ZNF438: variants seen among roughly 807,000 people sequenced by gnomAD.
ZNF438 encodes the protein zinc finger protein 438.
ZNF438 carries 25 observed loss-of-function variants against 38.0 expected under a neutral mutation model. The observed-to-expected ratio is 0.66, with a 90% CI of 0.48 to 0.92. ZNF438 has a LOEUF of 0.92. Among genes scored for constraint, ZNF438 ranks in the 40% least tolerant of loss-of-function variants. The pLI is 0.00. For missense variants in ZNF438, 1,007 were observed against 999.6 expected, an observed-to-expected ratio of 1.01 and a Z score of -0.10; for synonymous variants, 372 against 364.1, an observed-to-expected ratio of 1.02 and a Z score of -0.25.
intron 3 of ZNF438, among the ~76,000 whole-genome samples, chr10:30,884,149 A>G (rs1363515620): frequency 6.6e-6 from 1 of 152,186 alleles, no homozygotes; most frequent in East Asian, 1.9e-4. Flanking sequence ...CATCAAAATA[A>G]TTTTAACTGT....
chr10:31,013,534 GTC>G (rs1239009521), intron 1 of ZNF438, among the ~76,000 whole-genome samples: 8 of 152,180 alleles, frequency 5.3e-5, no homozygotes, highest in Non-Finnish European at 1.2e-4. Context: ...GGGTTATTAG[GTC>G]AGACTCCCTC....
intron 1 of ZNF438, among the ~76,000 whole-genome samples, chr10:31,010,892 GAAAAAAAAAAAAAAAAAAA>G (rs563189482): frequency 1.1e-5 from 1 of 92,576 alleles, no homozygotes; most frequent in Non-Finnish European, 1.9e-5. Flanking sequence ...GACCCTGTTT[GAAAAAAAAAAAAAAAAAAA>G]AAAAAAAAAA....
chr10:30,876,241 C>T (rs1467454298), intron 4 of ZNF438, among the ~76,000 whole-genome samples: 1 of 152,200 alleles, frequency 6.6e-6, no homozygotes, highest in African/African-American at 2.4e-5. Flanking sequence ...ACATGTTCCA[C>T]TAAGGCAACC....
intron 3 of ZNF438, among the ~76,000 whole-genome samples, chr10:30,888,981 A>G (rs1312872333): frequency 6.6e-6 from 1 of 152,046 alleles, no homozygotes; most frequent in East Asian, 1.9e-4. Context: ...ACTAATTTAT[A>G]CTCCCACCAA....
At chr10:30,857,294 A>G (rs2034822592) in intron 4 of ZNF438, among the ~76,000 whole-genome samples, 1 of 140,906 alleles carries the variant, frequency 7.1e-6, no homozygotes, top group East Asian at 2.0e-4. Context: ...TCTTGCTGTC[A>G]CCCAGGCTGG....
chr10:30,849,593 T>A, exon 5 of ZNF438: 1 of 1,614,200 alleles, frequency 6.2e-7, no homozygotes, highest in Non-Finnish European at 8.5e-7. Context: ...TGGTGATAAA[T>A]TGGTCATGGT....
At chr10:31,021,742 C>T (rs2133294246) in intron 1 of ZNF438, among the ~76,000 whole-genome samples, 1 of 152,238 alleles carries the variant, frequency 6.6e-6, no homozygotes, top group East Asian at 1.9e-4. Context: ...CGCATTTGGC[C>T]TAGGAACTAC....
chr10:30,947,682 G>A (rs144013786), intron 1 of ZNF438, among the ~76,000 whole-genome samples: 12,451 of 152,258 alleles, frequency 0.082, 577 homozygotes, highest in Non-Finnish European at 0.11. Context: ...GCGAGACTCC[G>A]TGGGTGTAGG....
intron 1 of ZNF438, among the ~76,000 whole-genome samples, chr10:30,976,916 A>C (rs1046521331): frequency 1.3e-5 from 2 of 152,178 alleles, no homozygotes; most frequent in African/African-American, 4.8e-5. Flanking sequence ...AGCCTTTGAG[A>C]GATCAGACAA....
intron 4 of ZNF438, among the ~76,000 whole-genome samples, chr10:30,871,445 C>A (rs1414141767): frequency 2.0e-5 from 3 of 152,052 alleles, no homozygotes. Context: ...TACTACATGC[C>A]AGGACGCTTT....
At chr10:30,896,240 G>A (rs1213965428) in intron 3 of ZNF438, among the ~76,000 whole-genome samples, 1 of 150,234 alleles carries the variant, frequency 6.7e-6, no homozygotes, top group Non-Finnish European at 1.5e-5. Context: ...AGCTTGCAGT[G>A]AGCCGAGACC....
intron 1 of ZNF438, among the ~76,000 whole-genome samples, chr10:31,012,420 G>A (rs2055799363): frequency 6.6e-6 from 1 of 152,026 alleles, no homozygotes; most frequent in Non-Finnish European, 1.5e-5. Flanking sequence ...ACAGTGCCTG[G>A]CCAATCTCAT....
chr10:30,860,598 C>T (rs368970598), intron 4 of ZNF438, among the ~76,000 whole-genome samples: 1 of 152,180 alleles, frequency 6.6e-6, no homozygotes, highest in Non-Finnish European at 1.5e-5. Context: ...TCAATCTTTC[C>T]TAACATCTAA....
rs150197168 is a variant in ZNF438 at position 30,992,900 on chromosome 10, T to C, written c.-192+38933A>G. Among the ~76,000 whole-genome samples the C allele has an allele frequency of 2.0e-3, 306 of 152,310 alleles. 7 individuals carry two copies. The highest frequency in any genetic ancestry group is 0.013 in the Admixed American group (202 of 15,300). Reference sequence around the variant, plus strand: ...AAGGCTATGTCCATGCCCTAGGGGTTTGTGGAATGCTGGACTTGAGAGTGA... The same window carrying C: ...AAGGCTATGTCCATGCCCTAGGGGTCTGTGGAATGCTGGACTTGAGAGTGA... On this transcript the variant is annotated intron_variant, in intron 1 of 5. Coordinates refer to ENST00000413025, the Ensembl canonical transcript of ZNF438.
chr10:30,899,280 G>T (rs2041717366), intron 3 of ZNF438, among the ~76,000 whole-genome samples: 1 of 152,182 alleles, frequency 6.6e-6, no homozygotes, highest in Non-Finnish European at 1.5e-5. Context: ...GAAAGAAGAT[G>T]CTAAATAAAG....
At chr10:30,903,023 G>A (rs1016167554) in intron 3 of ZNF438, among the ~76,000 whole-genome samples, 5 of 152,162 alleles carry the variant, frequency 3.3e-5, no homozygotes, top group African/African-American at 7.2e-5. Flanking sequence ...TGCACCCTCC[G>A]CAGCTGCTGG....
intron 1 of ZNF438, among the ~76,000 whole-genome samples, chr10:31,007,276 G>GTTTT (rs60434764): frequency 8.0e-5 from 9 of 112,382 alleles, no homozygotes; most frequent in Admixed American, 1.8e-4. Context: ...TTTTTTTGGT[G>GTTTT]TTTTTTTTTT....
chr10:30,948,461 G>C (rs1223690154), intron 1 of ZNF438, among the ~76,000 whole-genome samples: 3 of 152,152 alleles, frequency 2.0e-5, no homozygotes, highest in Non-Finnish European at 2.9e-5. Context: ...TGAGCTACGG[G>C]AGGACATTCA....
At chr10:30,854,409 A>T (rs1347437182) in intron 4 of ZNF438, among the ~76,000 whole-genome samples, 1 of 152,220 alleles carries the variant, frequency 6.6e-6, no homozygotes, top group Non-Finnish European at 1.5e-5. Context: ...TTCAGGGCCT[A>T]CAGTGTCCAG....
Sources: allele counts gnomAD v4.1 joint callset (sites outside exome capture counted in the v4.1 genomes callset), GRCh38; gene constraint gnomAD v4.1.1; transcripts MANE v1.5; gene names NCBI Gene and HGNC (gene_info 2026-07-23, HGNC 2026-07-21).